The following TBC1D32 variants were observed in gnomAD, a reference collection of about 807,000 sequenced individuals.
TBC1D32 encodes the protein protein broad-minded.
A neutral mutation model predicts 170.3 loss-of-function variants in TBC1D32; 151 were observed. The observed-to-expected ratio is 0.89, with a 90% CI of 0.78 to 1.01. TBC1D32 has a LOEUF of 1.01. Ranked by LOEUF, TBC1D32 falls within the 50% of genes least tolerant of loss-of-function variation. The pLI is 0.00. For synonymous variants in TBC1D32, 498 were observed against 488.0 expected (o/e 1.02, Z -0.27); for missense variants, 1,464 against 1,457.1 (o/e 1.00, Z -0.08).
chr6:121,123,295 A>G (rs1405380823), intron 26 of TBC1D32, among the ~76,000 whole-genome samples: 1 of 152,066 alleles, frequency 6.6e-6, no homozygotes, highest in Non-Finnish European at 1.5e-5. Context: ...AAATGATTCT[A>G]CAGTTTTTCC....
intron 26 of TBC1D32, among the ~76,000 whole-genome samples, chr6:121,117,357 C>T (rs1779787026): frequency 6.6e-6 from 1 of 151,968 alleles, no homozygotes; most frequent in African/African-American, 2.4e-5. Context: ...TAAAAACTTC[C>T]CCAAAGCAGC....
intron 21 of TBC1D32, among the ~76,000 whole-genome samples, chr6:121,213,408 A>G (rs1247218283): frequency 6.6e-6 from 1 of 151,668 alleles, no homozygotes; most frequent in Non-Finnish European, 1.5e-5. Context: ...CTCCAACAAT[A>G]GCCAAGTCAA....
At position 121,308,253 on chromosome 6, in the gene TBC1D32, G is replaced by A; in HGVS notation, c.565-152C>T. 4 of 794,000 alleles carry A rather than the reference G, an allele frequency of 5.0e-6. 1 individual carries two copies. Among genetic ancestry groups the A allele is most frequent in the East Asian group, 3.0e-5 (1 of 33,840 alleles). The allele number at this position is 794,000 out of a possible 1,614,324, so 49.2% of individuals were successfully genotyped here. Reference sequence around the variant, plus strand: ...TGCCTTTATATTAAAAAGCTCTTGAGAAATCATTTTTTAAACTAAGTGCTA... The same window carrying A: ...TGCCTTTATATTAAAAAGCTCTTGAAAAATCATTTTTTAAACTAAGTGCTA... On this transcript the variant is annotated intron_variant, in intron 4 of 31. Transcript: ENST00000398212.
At chr6:121,328,237 C>CATTTTAA (rs1300079480) in intron 1 of TBC1D32, among the ~76,000 whole-genome samples, 1 of 151,762 alleles carries the variant, frequency 6.6e-6, no homozygotes, top group Non-Finnish European at 1.5e-5. Flanking sequence ...ATTCACTATT[C>CATTTTAA]ATTTTAAATT....
intron 22 of TBC1D32, among the ~76,000 whole-genome samples, chr6:121,188,071 A>T (rs1474130750): frequency 2.6e-5 from 4 of 152,156 alleles, no homozygotes; most frequent in Non-Finnish European, 5.9e-5. Context: ...TGTCACTTTA[A>T]TTGAATGGCT....
intron 31 of TBC1D32, among the ~76,000 whole-genome samples, chr6:121,085,971 A>G (rs1342189132): frequency 6.6e-6 from 1 of 152,038 alleles, no homozygotes; most frequent in Non-Finnish European, 1.5e-5. Flanking sequence ...CTATTACATG[A>G]TATCTTAAGA....
chr6:121,192,058 AC>A (rs1471456060), intron 22 of TBC1D32, among the ~76,000 whole-genome samples: 2,846 of 26,940 alleles, frequency 0.11, 90 homozygotes, highest in South Asian at 0.44. Flanking sequence ...TACTTAATAA[AC>A]TACCCTTTAT....
intron 31 of TBC1D32, among the ~76,000 whole-genome samples, chr6:121,085,314 T>TATACACATATATATATAC (rs1776121787): frequency 6.9e-6 from 1 of 144,586 alleles, no homozygotes; most frequent in Non-Finnish European, 1.5e-5. Flanking sequence ...TATATACATA[T>TATACACATATATATATAC]ATACACATAT....
chr6:121,090,918 A>G lies in TBC1D32; in HGVS notation c.3589T>C (p.Phe1197Leu), dbSNP rs766446129. The G allele has an allele frequency of 6.2e-7, 1 of 1,612,492 alleles. No individual in the cohort carries two copies. The highest frequency in any genetic ancestry group is 1.1e-5 in the South Asian group (1 of 90,652). ...DYQVYICIAV[F>L]KHLQQDILQH... The stretch of plus-strand genomic sequence containing the variant: ...AGAATGTCTTGCTGTAAATGTTTGA[A>G]TACAGCTATACAGATATACACTTGA... Residue 1197 changes from phenylalanine (F) to leucine (L), a missense_variant, in exon 31 of 32, where the codon TTC becomes CTC. Phe to Leu is a conservative substitution (Grantham distance 22). Transcript: ENST00000398212.
intron 30 of TBC1D32, among the ~76,000 whole-genome samples, chr6:121,104,186 A>G (rs1364840477): frequency 2.0e-5 from 3 of 151,826 alleles, no homozygotes; most frequent in Admixed American, 6.6e-5. Context: ...ATTAAGTGGA[A>G]AAGATTCCCT....
chr6:121,131,013 G>T (rs1781382939), intron 25 of TBC1D32, among the ~76,000 whole-genome samples: 1 of 152,010 alleles, frequency 6.6e-6, no homozygotes, highest in South Asian at 2.1e-4. Flanking sequence ...AAGCATTGCT[G>T]ATAAAGTACA....
At chr6:121,159,678 G>C (rs1300186825) in intron 24 of TBC1D32, among the ~76,000 whole-genome samples, 1 of 152,096 alleles carries the variant, frequency 6.6e-6, no homozygotes, top group African/African-American at 2.4e-5. Flanking sequence ...GCATGTTACT[G>C]TACTGAATAC....
intron 24 of TBC1D32, among the ~76,000 whole-genome samples, chr6:121,146,880 C>G (rs1401804609): frequency 6.6e-6 from 1 of 151,984 alleles, no homozygotes; most frequent in Non-Finnish European, 1.5e-5. Flanking sequence ...GTATATTGAG[C>G]GACAGTGAGG....
intron 13 of TBC1D32, 123 bp downstream of exon 13, chr6:121,283,695 T>C (rs1352903149): frequency 1.1e-5 from 7 of 652,800 alleles, no homozygotes; most frequent in Admixed American, 2.9e-5. Context: ...TTTCTCTTAA[T>C]ACTGTATCTT....
intron 22 of TBC1D32, among the ~76,000 whole-genome samples, chr6:121,189,852 T>C (rs879689531): frequency 4.3e-4 from 65 of 151,902 alleles, no homozygotes; most frequent in Non-Finnish European, 7.4e-4. Context: ...GCCCAGAACA[T>C]ATACCCTAAG....
At chr6:121,288,317 G>T (rs938151031) in intron 12 of TBC1D32, among the ~76,000 whole-genome samples, 1 of 151,846 alleles carries the variant, frequency 6.6e-6, no homozygotes, top group Admixed American at 6.6e-5. Flanking sequence ...ATGATAAAGG[G>T]GATATCAACA....
intron 10 of TBC1D32, among the ~76,000 whole-genome samples, chr6:121,296,681 T>C (rs1446016972): frequency 6.6e-6 from 1 of 152,100 alleles, no homozygotes; most frequent in Non-Finnish European, 1.5e-5. Flanking sequence ...CTTGCACTAT[T>C]ATACAATGTC....
intron 30 of TBC1D32, among the ~76,000 whole-genome samples, chr6:121,091,839 G>A (rs746985001): frequency 5.3e-5 from 8 of 152,088 alleles, no homozygotes; most frequent in Non-Finnish European, 1.0e-4. Flanking sequence ...GACGTAATCA[G>A]GTTAAAATGA....
intron 30 of TBC1D32, among the ~76,000 whole-genome samples, chr6:121,098,763 A>G (rs1777701017): frequency 6.6e-6 from 1 of 152,042 alleles, no homozygotes; most frequent in Non-Finnish European, 1.5e-5. Context: ...GCAGTGTACA[A>G]ACACAGAGCA....
Sources: gnomAD v4.1 joint callset for allele counts (sites outside exome capture counted in the v4.1 genomes callset) on GRCh38, gnomAD v4.1.1 for gene constraint, MANE v1.5 for transcripts, NCBI Gene and HGNC (gene_info 2026-07-23, HGNC 2026-07-21) for gene names.